ARSJ: variants seen among roughly 807,000 people sequenced by gnomAD.
ARSJ encodes arylsulfatase family member J, also known as arylsulfatase J.
A neutral mutation model predicts 35.9 loss-of-function variants in ARSJ; 26 were observed. The ratio of observed to expected loss-of-function variants is 0.72; its 90% CI spans 0.53 to 1.00. The LOEUF (loss-of-function observed/expected upper bound fraction) is 1.00. Among genes scored for constraint, ARSJ ranks in the 50% least tolerant of loss-of-function variants. The pLI is 0.00. For synonymous variants in ARSJ, 294 were observed against 267.6 expected (o/e 1.10, Z -0.96); for missense variants, 667 against 723.6 (o/e 0.92, Z 0.90).
At position 113,903,246 on chromosome 4, in the gene ARSJ, G is replaced by T. The variant is rs1424029389; in HGVS notation, c.828C>A (p.Gly276=). The T allele has an allele frequency of 1.2e-6, 2 of 1,614,052 alleles. No individual in the cohort carries two copies. Among genetic ancestry groups the T allele is most frequent in the African/African-American group, 2.7e-5 (2 of 74,912 alleles). Residue 276 remains glycine (G), a synonymous_variant, in exon 2 of 2, where the codon GGC becomes GGA. Coordinates refer to ENST00000315366, the MANE Select transcript of ARSJ (RefSeq NM_024590.4). The part of the protein sequence containing the change: ...QAVHSPLQAP[G]RYFEHYRSII... Reference sequence around the variant, plus strand: ...TGGATCGGTAGTGTTCGAAATACCTGCCAGGAGCTTGCAGTGGTGAATGAA... The same window carrying T: ...TGGATCGGTAGTGTTCGAAATACCTTCCAGGAGCTTGCAGTGGTGAATGAA...
rs2099667631 is a variant in ARSJ, at chr4:113,903,045, A to G, written c.1029T>C (p.Gly343=). 6.2e-7 allele frequency: 1 copy of G among 1,614,000 alleles called. No homozygotes were observed. Among genetic ancestry groups the G allele is most frequent in the Non-Finnish European group, 8.5e-7 (1 of 1,179,984 alleles). ...TAGGSNWPLR[G]SKGTYWEGGI... Reference sequence around the variant, plus strand: ...CTCCTTCCCAATATGTTCCTTTGCTACCTCTGAGAGGCCAGTTACTCCCTC... The same window carrying G: ...CTCCTTCCCAATATGTTCCTTTGCTGCCTCTGAGAGGCCAGTTACTCCCTC... Residue 343 remains glycine, a synonymous_variant, in exon 2 of 2, where the codon GGT becomes GGC. Coordinates refer to ENST00000315366, the MANE Select transcript of ARSJ (RefSeq NM_024590.4).
intron 1 of ARSJ, among the ~76,000 whole-genome samples, chr4:113,949,467 G>C (rs1442215933): frequency 6.6e-6 from 1 of 151,938 alleles, no homozygotes; most frequent in Non-Finnish European, 1.5e-5. Context: ...TTTCATCAAA[G>C]GCGGTAAAAA....
intron 1 of ARSJ, among the ~76,000 whole-genome samples, chr4:113,977,938 G>C (rs568150293): frequency 2.0e-5 from 3 of 152,316 alleles, no homozygotes; most frequent in African/African-American, 7.2e-5. Flanking sequence ...GACCGAAGCA[G>C]AGTCATACAT....
chr4:113,954,446 T>C (rs1324314807), intron 1 of ARSJ, among the ~76,000 whole-genome samples: 1 of 152,084 alleles, frequency 6.6e-6, no homozygotes, highest in East Asian at 1.9e-4. Context: ...TTTAAATACT[T>C]GTAAAAAATA....
At chr4:113,942,872 T>C (rs1285513017) in intron 1 of ARSJ, among the ~76,000 whole-genome samples, 2 of 152,034 alleles carry the variant, frequency 1.3e-5, no homozygotes, top group East Asian at 3.9e-4. Flanking sequence ...CTAATAGACA[T>C]ATGTGAAGAA....
chr4:113,977,729 TTAC>T (rs772391358), intron 1 of ARSJ, among the ~76,000 whole-genome samples: 20 of 152,206 alleles, frequency 1.3e-4, no homozygotes, highest in Non-Finnish European at 2.4e-4. Flanking sequence ...GAAAAGCACT[TTAC>T]TTAAGCATCC....
Position 113,901,832 on chromosome 4 carries a change from A to T in ARSJ, c.*442T>A, listed in dbSNP as rs17046575. The T allele has an allele frequency of 0.015, 2,893 of 194,620 alleles. 80 individuals carry two copies. The highest frequency in any genetic ancestry group is 0.065 in the African/African-American group (2,758 of 42,418). The allele number at this position is 194,620 out of a possible 1,614,324, so 12.1% of individuals were successfully genotyped here. A position where few individuals can be genotyped will look rare whatever the true frequency, so the allele number is the denominator to read the frequency against. On this transcript the variant is annotated 3_prime_UTR_variant, in exon 2 of 2. Coordinates refer to ENST00000315366, the MANE Select transcript of ARSJ (RefSeq NM_024590.4). ...GTGACACAATCTTTGACTGTAATTTATCAAAGGTAGTTTTAATCATGCTAC... is the reference window on the plus strand; with the variant it reads ...GTGACACAATCTTTGACTGTAATTTTTCAAAGGTAGTTTTAATCATGCTAC...
At chr4:113,968,483 T>C (rs973918990) in intron 1 of ARSJ, among the ~76,000 whole-genome samples, 20 of 152,076 alleles carry the variant, frequency 1.3e-4, no homozygotes, top group African/African-American at 3.1e-4. Context: ...CAGAAAAGCA[T>C]TGGTGAGGAG....
intron 1 of ARSJ, among the ~76,000 whole-genome samples, chr4:113,924,224 A>C (rs1723909719): frequency 6.6e-6 from 1 of 151,246 alleles, no homozygotes; most frequent in Non-Finnish European, 1.5e-5. Flanking sequence ...CCAAAACTGA[A>C]GAACTTGGAG....
intron 1 of ARSJ, among the ~76,000 whole-genome samples, chr4:113,938,850 T>A (rs67447337): frequency 0.24 from 36,085 of 151,800 alleles, 4,724 homozygotes; most frequent in Middle Eastern, 0.37. Flanking sequence ...GAGAAATGCA[T>A]ATCAAAACCC....
At chr4:113,956,901 T>G (rs1235714154) in intron 1 of ARSJ, among the ~76,000 whole-genome samples, 1 of 151,970 alleles carries the variant, frequency 6.6e-6, no homozygotes, top group South Asian at 2.1e-4. Flanking sequence ...CAACAGCCTA[T>G]GCTTTTCAGG....
rs1424863435 is a variant in ARSJ, at chr4:113,978,628, G to A, written c.207C>T (p.Ser69=). Residue 69 remains serine, a synonymous_variant, in exon 1 of 2, where the codon AGC becomes AGT. Transcript: ENST00000315366. The part of the protein sequence containing the change: ...LAQAGEKLEP[S]TTSTSQPHLI... ...GATGGGGCTGGGAGGTGGAAGTTGT[G>A]CTGGGCTCTAGTTTCTCTCCAGCTT... 1.9e-6 allele frequency: 3 copies of A among 1,614,166 alleles called. No individual in the cohort carries two copies. Among genetic ancestry groups the A allele is most frequent in the African/African-American group, 2.7e-5 (2 of 75,068 alleles).
chr4:113,902,893 T>A lies in ARSJ; in HGVS notation c.1181A>T (p.Glu394Val). The A allele has an allele frequency of 6.2e-7, 1 of 1,614,210 alleles. No individual in the cohort carries two copies. The highest frequency in any genetic ancestry group is 8.5e-7 in the Non-Finnish European group (1 of 1,180,024). Residue 394 changes from glutamate to valine, a missense_variant, in exon 2 of 2, where the codon GAG (glutamate) becomes GTG (valine). Physicochemically the swap from Glu to Val is moderately radical, Grantham distance 121 (BLOSUM62 -2). Transcript: ENST00000315366. ...ATCATAGCCATCTAGTTGAATGTCC[T>A]CATCAATCTGTCCTTCAGCCAGTGA... The part of the protein sequence containing the change: ...LISLAEGQID[E>V]DIQLDGYDIW...
At chr4:113,946,306 T>C (rs1310233087) in intron 1 of ARSJ, 1 of 152,038 alleles carries the variant, frequency 6.6e-6, no homozygotes, top group Non-Finnish European at 1.5e-5. Flanking sequence ...TTTTAATGAC[T>C]TGCAAATCAC....
chr4:113,965,550 T>C (rs918667728), intron 1 of ARSJ, among the ~76,000 whole-genome samples: 7 of 152,124 alleles, frequency 4.6e-5, no homozygotes, highest in Admixed American at 1.3e-4. Flanking sequence ...TTGGAGAATA[T>C]ATAAAAGAGA....
intron 1 of ARSJ, among the ~76,000 whole-genome samples, chr4:113,974,314 G>C (rs182248473): frequency 1.8e-4 from 27 of 151,504 alleles, no homozygotes; most frequent in African/African-American, 5.8e-4. Flanking sequence ...ATGAAAAATC[G>C]CTAAAAAAAA....
intron 1 of ARSJ, among the ~76,000 whole-genome samples, chr4:113,975,054 T>C (rs1051145438): frequency 2.0e-5 from 3 of 152,044 alleles, no homozygotes; most frequent in East Asian, 1.9e-4. Flanking sequence ...AAACCAGACA[T>C]AGAAGAGTAC....
intron 1 of ARSJ, among the ~76,000 whole-genome samples, chr4:113,935,947 T>C (rs1186373078): frequency 6.6e-6 from 1 of 151,928 alleles, no homozygotes; most frequent in Non-Finnish European, 1.5e-5. Context: ...ATTCAACAAA[T>C]AAATGTATAA....
At chr4:113,905,345 C>CAACATGTT (rs1465545840) in intron 1 of ARSJ, among the ~76,000 whole-genome samples, 10 of 151,986 alleles carry the variant, frequency 6.6e-5, no homozygotes, top group Non-Finnish European at 1.5e-5. Flanking sequence ...CCTGAAAGGC[C>CAACATGTT]AACATGTTAT....
Sources: allele counts gnomAD v4.1 joint callset (sites outside exome capture counted in the v4.1 genomes callset), GRCh38; gene constraint gnomAD v4.1.1; transcripts MANE v1.5; gene names NCBI Gene and HGNC (gene_info 2026-07-23, HGNC 2026-07-21).